Variants in SUGCT observed in about 807,000 individuals in gnomAD.
The protein encoded by SUGCT is succinyl-CoA:glutarate CoA-transferase.
In SUGCT, 41 loss-of-function variants were observed where a neutral mutation model predicts 55.0. The ratio of observed to expected loss-of-function variants is 0.74; its 90% CI spans 0.58 to 0.97. The LOEUF (loss-of-function observed/expected upper bound fraction) is 0.97, where lower values mean the gene tolerates loss of function less well. Among genes scored for constraint, SUGCT ranks in the 50% least tolerant of loss-of-function variants. The pLI, the probability that SUGCT is intolerant of heterozygous loss-of-function variation, is 0.00. For missense variants in SUGCT, 568 were observed against 547.8 expected, an observed-to-expected ratio of 1.04 and a Z score of -0.37; for synonymous variants, 187 against 200.4, an observed-to-expected ratio of 0.93 and a Z score of 0.56.
At chr7:40,349,319 T>TGGCCATTGCTTC (rs1797489525) in intron 9 of SUGCT, among the ~76,000 whole-genome samples, 1 of 152,188 alleles carries the variant, frequency 6.6e-6, no homozygotes, top group African/African-American at 2.4e-5. Context: ...ACATTTGATT[T>TGGCCATTGCTTC]GGCCATTGCT....
chr7:40,827,057 T>C lies in SUGCT; in HGVS notation c.1154-33259T>C, dbSNP rs115590164. On this transcript the variant is annotated intron_variant, in intron 13 of 13. Transcript: ENST00000335693. The stretch of plus-strand genomic sequence containing the variant: ...TGCTTCAATTTTTTTGTGGTATGCA[T>C]AGTTAACATCCTGACGAATGAAAAG... 2.1e-3 allele frequency among the ~76,000 whole-genome samples: 322 copies of C among 152,264 alleles called. 1 individual carries two copies. Among genetic ancestry groups the C allele is most frequent in the African/African-American group, 7.5e-3 (310 of 41,532 alleles).
chr7:40,698,899 C>G (rs1197616793), intron 12 of SUGCT, among the ~76,000 whole-genome samples: 1 of 152,100 alleles, frequency 6.6e-6, no homozygotes, highest in Non-Finnish European at 1.5e-5. Context: ...CAGATCATTC[C>G]AAGACTTTCG....
chr7:40,473,190 G>A (rs558870898), intron 11 of SUGCT, among the ~76,000 whole-genome samples: 5 of 152,214 alleles, frequency 3.3e-5, no homozygotes, highest in Admixed American at 3.3e-4. Flanking sequence ...ATTTATGCAT[G>A]CTGTTTGTGG....
chr7:40,523,066 A>T (rs1033416028), intron 12 of SUGCT, among the ~76,000 whole-genome samples: 1 of 152,152 alleles, frequency 6.6e-6, no homozygotes, highest in Non-Finnish European at 1.5e-5. Context: ...ATTTTACGAT[A>T]GTGTCAATGG....
At chr7:40,544,669 G>A (rs1417326602) in intron 12 of SUGCT, among the ~76,000 whole-genome samples, 3 of 152,276 alleles carry the variant, frequency 2.0e-5, no homozygotes, top group Admixed American at 2.0e-4. Context: ...GTAGACTTTG[G>A]TTATGCAGTG....
At chr7:40,337,907 T>C (rs1418652295) in intron 9 of SUGCT, among the ~76,000 whole-genome samples, 1 of 152,224 alleles carries the variant, frequency 6.6e-6, no homozygotes, top group Non-Finnish European at 1.5e-5. Context: ...TTTCCATGTT[T>C]AGTGCTTCAT....
chr7:41,012,764 T>A, the SUGCT span, among the ~76,000 whole-genome samples: 4,037 of 146,552 alleles, frequency 0.028, 184 homozygotes, highest in South Asian at 0.19. Flanking sequence ...CCAGAGAAAC[T>A]AAAAAAAAAA....
At chr7:40,855,849 A>C (rs1794143571) in intron 13 of SUGCT, among the ~76,000 whole-genome samples, 1 of 152,200 alleles carries the variant, frequency 6.6e-6, no homozygotes, top group Non-Finnish European at 1.5e-5. Flanking sequence ...CCATATTAAA[A>C]ATTTTTAACT....
chr7:40,426,834 G>A (rs140498861), intron 9 of SUGCT, among the ~76,000 whole-genome samples: 2 of 151,750 alleles, frequency 1.3e-5, no homozygotes, highest in Non-Finnish European at 2.9e-5. Flanking sequence ...TTTTTTAAGA[G>A]ATAGGGTCTT....
intron 13 of SUGCT, among the ~76,000 whole-genome samples, chr7:40,821,226 T>A (rs147933195): frequency 0.011 from 1,736 of 152,110 alleles, 39 homozygotes; most frequent in African/African-American, 0.039. Flanking sequence ...TAAAATTATC[T>A]TTTTTTTGTT....
intron 11 of SUGCT, among the ~76,000 whole-genome samples, chr7:40,462,388 A>C (rs933945338): frequency 2.0e-5 from 3 of 152,206 alleles, no homozygotes; most frequent in Non-Finnish European, 4.4e-5. Context: ...CAGGCAGATC[A>C]AGTCGTGAAC....
chr7:40,618,663 T>A (rs963810929), intron 12 of SUGCT, among the ~76,000 whole-genome samples: 1 of 152,206 alleles, frequency 6.6e-6, no homozygotes, highest in Admixed American at 6.5e-5. Context: ...GATTTATTAT[T>A]TATTTGTATA....
At chr7:40,200,883 A>C (rs2150764617) in intron 6 of SUGCT, among the ~76,000 whole-genome samples, 1 of 152,314 alleles carries the variant, frequency 6.6e-6, no homozygotes, top group African/African-American at 2.4e-5. Context: ...AGTGTTTCAG[A>C]GTCAATAGCA....
At chr7:40,319,539 A>C (rs1235984660) in intron 9 of SUGCT, among the ~76,000 whole-genome samples, 1 of 151,970 alleles carries the variant, frequency 6.6e-6, no homozygotes, top group African/African-American at 2.4e-5. Context: ...TGCCTAGCTC[A>C]CTCTCCTCCA....
chr7:40,615,200 A>G (rs1798943049), intron 12 of SUGCT, among the ~76,000 whole-genome samples: 1 of 152,218 alleles, frequency 6.6e-6, no homozygotes, highest in Non-Finnish European at 1.5e-5. Context: ...CTATAGTCAG[A>G]TTGATGAAAG....
chr7:40,284,795 G>A (rs1001970134), intron 8 of SUGCT, among the ~76,000 whole-genome samples: 1 of 152,058 alleles, frequency 6.6e-6, no homozygotes, highest in East Asian at 1.9e-4. Context: ...TGAATAATTA[G>A]GAAGTTAAAG....
In SUGCT at chr7:40,174,966, A is replaced by T. The variant is rs537393859; in HGVS notation, c.101-5981A>T. Among the ~76,000 whole-genome samples the T allele has an allele frequency of 3.9e-5, 6 of 152,204 alleles. No individual in the cohort carries two copies. The South Asian group carries it at 1.2e-3, about 32-fold the overall frequency. ...CCAATGTGGTGAGAAAAAAAATTTT[A>T]TTGTGATAATATTCATCTTTTTTAT... On this transcript the variant is annotated intron_variant, in intron 1 of 13. Coordinates refer to ENST00000335693, the MANE Select transcript of SUGCT (RefSeq NM_001193313.2).
chr7:40,155,855 ATTTT>A (rs1369761947), intron 1 of SUGCT, among the ~76,000 whole-genome samples: 1 of 132,486 alleles, frequency 7.5e-6, no homozygotes, highest in Non-Finnish European at 1.6e-5. Context: ...GATACCTAAG[ATTTT>A]TTTTTTTTTT....
intron 12 of SUGCT, among the ~76,000 whole-genome samples, chr7:40,707,223 C>G (rs1025018948): frequency 1.3e-5 from 2 of 148,450 alleles, no homozygotes; most frequent in African/African-American, 5.0e-5. Context: ...GAAAATGCTG[C>G]AAAATCTACT....
Sources: allele counts gnomAD v4.1 joint callset (sites outside exome capture counted in the v4.1 genomes callset), GRCh38; gene constraint gnomAD v4.1.1; transcripts MANE v1.5; gene names NCBI Gene and HGNC (gene_info 2026-07-23, HGNC 2026-07-21).